Variants in NALF1 observed in about 807,000 individuals in gnomAD.
NALF1 encodes NALCN channel auxiliary factor 1.
A neutral mutation model predicts 48.4 loss-of-function variants in NALF1; 3 were observed. That is an observed-to-expected ratio of 0.06 (90% CI 0.03 to 0.16). The LOEUF (loss-of-function observed/expected upper bound fraction) is 0.16. NALF1 is among the 10% of genes least tolerant of loss of function. NALF1 has a pLI of 1.00. For missense variants in NALF1, 526 were observed against 571.5 expected, an observed-to-expected ratio of 0.92 and a Z score of 0.81; for synonymous variants, 262 against 245.7, an observed-to-expected ratio of 1.07 and a Z score of -0.62.
chr13:107,652,135 G>T (rs1880463774), intron 1 of NALF1, among the ~76,000 whole-genome samples: 1 of 152,104 alleles, frequency 6.6e-6, no homozygotes, highest in Admixed American at 6.5e-5. Flanking sequence ...TCTGTTACTT[G>T]GACTGGGACT....
At chr13:107,693,779 C>T (rs1445645390) in intron 1 of NALF1, among the ~76,000 whole-genome samples, 6 of 152,122 alleles carry the variant, frequency 3.9e-5, no homozygotes, top group Admixed American at 1.3e-4. Context: ...AATGTACACA[C>T]TGAACAGAAG....
chr13:107,437,280 T>C (rs1483637131), intron 1 of NALF1, among the ~76,000 whole-genome samples: 1 of 152,222 alleles, frequency 6.6e-6, no homozygotes, highest in East Asian at 1.9e-4. Context: ...CTGACTATCC[T>C]GTATTGTTGG....
intron 1 of NALF1, among the ~76,000 whole-genome samples, chr13:107,381,730 G>C (rs1048204447): frequency 6.6e-6 from 1 of 152,192 alleles, no homozygotes; most frequent in Non-Finnish European, 1.5e-5. Flanking sequence ...CCAGGAGAAA[G>C]GTGACTCGAC....
chr13:107,754,529 A>C (rs556658767), intron 1 of NALF1, among the ~76,000 whole-genome samples: 1 of 152,286 alleles, frequency 6.6e-6, no homozygotes, highest in South Asian at 2.1e-4. Flanking sequence ...CAAGGTGGGC[A>C]AACATGTAGA....
Position 107,866,106 on chromosome 13 carries a change from G to A in NALF1, c.491C>T (p.Pro164Leu). 1 of 1,612,834 alleles carries A rather than the reference G, an allele frequency of 6.2e-7. No individual in the cohort carries two copies. Among genetic ancestry groups the A allele is most frequent in the Non-Finnish European group, 8.5e-7 (1 of 1,179,888 alleles). ...GTAACAAGTCTCCAGGCGCCACACG[G>A]GCTTGGCAGAGTTTCCTAGAAAAAG... ...KALFLGNSAK[P>L]VWRLETCYPQ... The change falls in exon 1 of 3, where the codon CCC becomes CTC. Residue 164 changes from proline to leucine, a missense_variant. This residue lies in a region of NALF1 where 373 missense variants were observed against 355.5 expected (regional missense o/e 1.05). Transcript: ENST00000375915. The surrounding 1 kb of genome is among the most constrained non-coding windows in gnomAD (Gnocchi z 4.4).
At chr13:107,564,359 AAGAGC>A (rs2138395965) in intron 1 of NALF1, among the ~76,000 whole-genome samples, 1 of 152,330 alleles carries the variant, frequency 6.6e-6, no homozygotes, top group East Asian at 1.9e-4. Flanking sequence ...AACTGGACAA[AAGAGC>A]AGCAGTTGCC....
intron 2 of NALF1, among the ~76,000 whole-genome samples, chr13:107,181,878 T>C (rs1379138402): frequency 1.3e-5 from 2 of 152,174 alleles, no homozygotes; most frequent in Middle Eastern, 3.2e-3. Flanking sequence ...TTGTTGAGGT[T>C]TTTGTTATTG....
intron 1 of NALF1, among the ~76,000 whole-genome samples, chr13:107,803,239 T>C (rs1878675283): frequency 1.3e-5 from 2 of 152,152 alleles, no homozygotes; most frequent in African/African-American, 4.8e-5. Flanking sequence ...CTGAGGAGAC[T>C]GGATCCAATA....
intron 1 of NALF1, among the ~76,000 whole-genome samples, chr13:107,803,219 C>T (rs1878674689): frequency 6.6e-6 from 1 of 151,952 alleles, no homozygotes; most frequent in Admixed American, 6.6e-5. Context: ...GAACAAATGG[C>T]CTAGAAAACC....
intron 1 of NALF1, among the ~76,000 whole-genome samples, chr13:107,694,019 C>T (rs1881638704): frequency 6.6e-6 from 1 of 152,134 alleles, no homozygotes; most frequent in African/African-American, 2.4e-5. Flanking sequence ...GATCATAACA[C>T]CTGACTTTGT....
At chr13:107,618,778 T>C (rs9520515) in intron 1 of NALF1, among the ~76,000 whole-genome samples, 37,186 of 152,008 alleles carry the variant, frequency 0.24, 5,146 homozygotes, top group East Asian at 0.49. Flanking sequence ...ACGAGGGATA[T>C]TGGGGATAGA....
At chr13:107,360,675 T>C (rs17448376) in intron 1 of NALF1, among the ~76,000 whole-genome samples, 3,229 of 152,254 alleles carry the variant, frequency 0.021, 57 homozygotes, top group Non-Finnish European at 0.031. Flanking sequence ...AAATCATATT[T>C]TAAGCATAAT....
rs552786914 is a variant in NALF1 at position 107,725,085 on chromosome 13, G to C, written c.915+140597C>G. 2.0e-5 allele frequency among the ~76,000 whole-genome samples: 3 copies of C among 152,266 alleles called. No homozygotes were observed. In the South Asian group the frequency reaches 6.2e-4, roughly 32 times the overall value. On this transcript the variant is annotated intron_variant, in intron 1 of 2. Coordinates refer to ENST00000375915, the MANE Select transcript of NALF1 (RefSeq NM_001080396.3). ...GATAAAAATACGAATAAATACAATT[G>C]ACCGTTGTTTCACATTTTAAAACTT... is the stretch of plus-strand genomic sequence containing the variant.
chr13:107,431,230 C>T (rs1884376432), intron 1 of NALF1, among the ~76,000 whole-genome samples: 2 of 152,176 alleles, frequency 1.3e-5, no homozygotes, highest in South Asian at 4.1e-4. Flanking sequence ...TTCATGTTGT[C>T]CTAATAAATT....
At chr13:107,230,754 T>C (rs1483271334) in intron 1 of NALF1, among the ~76,000 whole-genome samples, 4 of 152,028 alleles carry the variant, frequency 2.6e-5, no homozygotes, top group African/African-American at 7.2e-5. Context: ...GACACTTTGA[T>C]AAACATTGAA....
chr13:107,780,233 T>C (rs1171941853), intron 1 of NALF1, among the ~76,000 whole-genome samples: 1 of 152,108 alleles, frequency 6.6e-6, no homozygotes, highest in African/African-American at 2.4e-5. Context: ...CTTTCACTAT[T>C]TGTAGTTTGC....
chr13:107,244,112 C>G (rs200238350), intron 1 of NALF1, among the ~76,000 whole-genome samples: 1 of 152,178 alleles, frequency 6.6e-6, no homozygotes, highest in Non-Finnish European at 1.5e-5. Context: ...AATTTTCCCT[C>G]CACTGGAAGT....
At chr13:107,593,741 C>T (rs1455882972) in intron 1 of NALF1, among the ~76,000 whole-genome samples, 2 of 151,464 alleles carry the variant, frequency 1.3e-5, no homozygotes, top group Admixed American at 1.3e-4. Flanking sequence ...CCGTTTAATG[C>T]TATCACTGCA....
chr13:107,728,891 T>C (rs1393261907), intron 1 of NALF1, among the ~76,000 whole-genome samples: 1 of 152,154 alleles, frequency 6.6e-6, no homozygotes, highest in Non-Finnish European at 1.5e-5. Flanking sequence ...CAAAAAGACA[T>C]CTGCTGAACT....
Sources: gnomAD v4.1 joint callset for allele counts (sites outside exome capture counted in the v4.1 genomes callset) on GRCh38, gnomAD v4.1.1 for gene constraint, gnomAD v4.1.1 regional missense constraint, Gnocchi (gnomAD v3.1) non-coding constraint, MANE v1.5 for transcripts, NCBI Gene and HGNC (gene_info 2026-07-23, HGNC 2026-07-21) for gene names.